The following RHOJ variants were observed in gnomAD, a reference collection of about 807,000 sequenced individuals.
RHOJ encodes the protein ras homolog family member J.
Under a neutral mutation model 23.4 loss-of-function variants are expected in RHOJ, and 11 were observed. That is an observed-to-expected ratio of 0.47 (90% CI 0.30 to 0.78). The LOEUF (loss-of-function observed/expected upper bound fraction) is 0.78, where lower values mean the gene tolerates loss of function less well. RHOJ is among the 30% of genes least tolerant of loss of function. RHOJ has a pLI of 0.08. For missense variants in RHOJ, 254 were observed against 273.4 expected (o/e 0.93, Z 0.50); for synonymous variants, 102 against 102.7 (o/e 0.99, Z 0.04).
chr14:63,286,883 T>A (rs1267729915), intron 4 of RHOJ, among the ~76,000 whole-genome samples: 1 of 152,240 alleles, frequency 6.6e-6, no homozygotes, highest in Admixed American at 6.5e-5. Flanking sequence ...TTTCACCAAT[T>A]TGATCATAAT....
At chr14:63,243,632 G>A (rs917965806) in intron 1 of RHOJ, among the ~76,000 whole-genome samples, 8 of 152,008 alleles carry the variant, frequency 5.3e-5, no homozygotes, top group African/African-American at 1.7e-4. Context: ...AAGCCACCAC[G>A]CCCGGCCAAA....
intron 1 of RHOJ, among the ~76,000 whole-genome samples, chr14:63,248,564 C>A (rs1248515279): frequency 6.6e-6 from 1 of 152,160 alleles, no homozygotes; most frequent in Non-Finnish European, 1.5e-5. Context: ...GAATTTGGCC[C>A]TTAATAGAAT....
chr14:63,255,383 A>G (rs1283661470), intron 1 of RHOJ, among the ~76,000 whole-genome samples: 2 of 152,192 alleles, frequency 1.3e-5, no homozygotes, highest in East Asian at 3.8e-4. Flanking sequence ...CAACCACCTT[A>G]GGGGCTCAGA....
At chr14:63,231,071 T>C (rs955998893) in intron 1 of RHOJ, among the ~76,000 whole-genome samples, 1 of 152,090 alleles carries the variant, frequency 6.6e-6, no homozygotes, top group Non-Finnish European at 1.5e-5. Context: ...GTACTTTTAA[T>C]AGAGATGAGG....
intron 4 of RHOJ, among the ~76,000 whole-genome samples, chr14:63,283,500 C>T (rs544731955): frequency 8.5e-4 from 130 of 152,322 alleles, no homozygotes; most frequent in Non-Finnish European, 1.6e-3. Flanking sequence ...AGAACATCTA[C>T]TTGCCATATT....
chr14:63,235,592 G>T (rs1425611666), intron 1 of RHOJ, among the ~76,000 whole-genome samples: 1 of 152,188 alleles, frequency 6.6e-6, no homozygotes, highest in Non-Finnish European at 1.5e-5. Flanking sequence ...GCTGAATGTA[G>T]ATGGGGGTCA....
At chr14:63,273,565 C>T (rs755771360) in intron 2 of RHOJ, among the ~76,000 whole-genome samples, 1 of 152,226 alleles carries the variant, frequency 6.6e-6, no homozygotes, top group African/African-American at 2.4e-5. Context: ...GAACTTCAGA[C>T]TGGGAGAGGG....
At chr14:63,210,041 C>G (rs968355095) in intron 1 of RHOJ, among the ~76,000 whole-genome samples, 5 of 150,888 alleles carry the variant, frequency 3.3e-5, no homozygotes, top group African/African-American at 1.2e-4. Flanking sequence ...CTCACTGTAA[C>G]CTCTGCCTCC....
rs567470834 is a variant in RHOJ, at chr14:63,218,081, A to T, written c.178+13034A>T. Among the ~76,000 whole-genome samples, 6 of 152,310 alleles carry T rather than the reference A, an allele frequency of 3.9e-5. No homozygotes were observed. In the South Asian group the frequency reaches 1.2e-3, roughly 32 times the overall value. On this transcript the variant is annotated intron_variant, in intron 1 of 4. Transcript: ENST00000316754. Reference sequence around the variant, plus strand: ...GAGAGTACTACATTTCTCTTCTGGCATTTTAATAAATCTCCATTCAATTAT... The same window carrying T: ...GAGAGTACTACATTTCTCTTCTGGCTTTTTAATAAATCTCCATTCAATTAT...
chr14:63,262,675 T>C (rs992842931), intron 1 of RHOJ, among the ~76,000 whole-genome samples: 1 of 152,244 alleles, frequency 6.6e-6, no homozygotes, highest in Non-Finnish European at 1.5e-5. Context: ...GTTCCAATCT[T>C]GCCAGGAGCT....
intron 2 of RHOJ, among the ~76,000 whole-genome samples, chr14:63,273,924 G>C (rs1881621745): frequency 6.6e-6 from 1 of 152,230 alleles, no homozygotes; most frequent in South Asian, 2.1e-4. Context: ...GTCTGTCACT[G>C]AGAAACCACA....
intron 2 of RHOJ, 65 bp downstream of exon 2, chr14:63,269,233 T>A: frequency 1.7e-6 from 2 of 1,169,184 alleles, no homozygotes; most frequent in Non-Finnish European, 2.6e-6. Flanking sequence ...ATCCATTTGC[T>A]TATGCAGATG....
chr14:63,226,104 G>T (rs886833978), intron 1 of RHOJ, among the ~76,000 whole-genome samples: 1 of 152,012 alleles, frequency 6.6e-6, no homozygotes, highest in Non-Finnish European at 1.5e-5. Context: ...ATTTTTGAAA[G>T]AAACTAGTAT....
rs536926242 is a variant in RHOJ, at chr14:63,252,930, T to C, written c.179-16180T>C. ...ACCTGATAGAAGCACCTCTTAAGAA[T>C]AGGAACATGAAGATGAGATCATTTC... On this transcript the variant is annotated intron_variant, in intron 1 of 4. Coordinates refer to ENST00000316754, the MANE Select transcript of RHOJ (RefSeq NM_020663.5). 1.6e-4 allele frequency among the ~76,000 whole-genome samples: 24 copies of C among 152,284 alleles called. No homozygotes were observed. The East Asian group carries it at 2.9e-3, about 18-fold the overall frequency.
At chr14:63,253,183 C>T (rs962163920) in intron 1 of RHOJ, among the ~76,000 whole-genome samples, 2 of 152,184 alleles carry the variant, frequency 1.3e-5, no homozygotes, top group East Asian at 1.9e-4. Context: ...GGTCCTGAGC[C>T]TAAGGCTGTC....
At chr14:63,268,293 C>A (rs1320676922) in intron 1 of RHOJ, among the ~76,000 whole-genome samples, 6 of 152,132 alleles carry the variant, frequency 3.9e-5, no homozygotes, top group Admixed American at 2.0e-4. Context: ...TCTGTTCAAT[C>A]TCAGTTTAGT....
intron 1 of RHOJ, among the ~76,000 whole-genome samples, chr14:63,217,356 C>A (rs1003176185): frequency 6.6e-6 from 1 of 150,784 alleles, no homozygotes; most frequent in Non-Finnish European, 1.5e-5. Flanking sequence ...TTTGTTCTTG[C>A]GATAGTTTAC....
chr14:63,270,153 G>C (rs1305489072), intron 2 of RHOJ, among the ~76,000 whole-genome samples: 1 of 144,762 alleles, frequency 6.9e-6, no homozygotes, highest in Non-Finnish European at 1.5e-5. Context: ...TATTTGTAGC[G>C]ATGCATTCGT....
Position 63,248,182 on chromosome 14 carries a change from G to C in RHOJ, c.179-20928G>C, listed in dbSNP as rs17100899. 8.0e-3 allele frequency among the ~76,000 whole-genome samples: 1,213 copies of C among 152,250 alleles called. 15 individuals are homozygous for C. Among genetic ancestry groups the C allele is most frequent in the African/African-American group, 0.028 (1,146 of 41,548 alleles). Reference sequence around the variant, plus strand: ...TGACTAGGTGTGTTAGTCTTGAGTAGTGTATCAAAACATATACATATTTTC... The same window carrying C: ...TGACTAGGTGTGTTAGTCTTGAGTACTGTATCAAAACATATACATATTTTC... On this transcript the variant is annotated intron_variant, in intron 1 of 4. Coordinates refer to ENST00000316754, the MANE Select transcript of RHOJ (RefSeq NM_020663.5).
Sources: allele counts gnomAD v4.1 joint callset (sites outside exome capture counted in the v4.1 genomes callset), GRCh38; gene constraint gnomAD v4.1.1; transcripts MANE v1.5; gene names NCBI Gene and HGNC (gene_info 2026-07-23, HGNC 2026-07-21).